The following GRAMD4 variants were observed in gnomAD, a reference collection of about 807,000 sequenced individuals.
GRAMD4 encodes the protein GRAM domain-containing protein 4.
Under a neutral mutation model 83.9 loss-of-function variants are expected in GRAMD4, and 25 were observed. The observed-to-expected ratio is 0.30, with a 90% CI of 0.22 to 0.42. GRAMD4 has a LOEUF of 0.42. Among genes scored for constraint, GRAMD4 ranks in the 10% least tolerant of loss-of-function variants. GRAMD4 has a pLI of 1.00. For synonymous variants in GRAMD4, 336 were observed against 320.9 expected (o/e 1.05, Z -0.50); for missense variants, 593 against 788.7 (o/e 0.75, Z 2.97).
intron 17 of GRAMD4, among the ~76,000 whole-genome samples, chr22:46,675,937 T>C (rs1363784319): frequency 6.6e-6 from 1 of 152,240 alleles, no homozygotes; most frequent in Non-Finnish European, 1.5e-5. Context: ...GCGCCCGCTC[T>C]GGGCATTTTC....
intron 5 of GRAMD4, among the ~76,000 whole-genome samples, chr22:46,662,347 C>T (rs1476322524): frequency 2.0e-5 from 3 of 152,202 alleles, no homozygotes; most frequent in Non-Finnish European, 4.4e-5. Flanking sequence ...AAAACTTTGG[C>T]GAGGCAGCAC....
chr22:46,620,240 A>C, upstream of GRAMD4: 4 of 858,244 alleles, frequency 4.7e-6, no homozygotes, highest in Non-Finnish European at 5.6e-6. The surrounding 1 kb of genome is among the most constrained non-coding windows in gnomAD (Gnocchi z 4.7). Context: ...TTTCCAGAGC[A>C]GCATGCTTTT....
At chr22:46,578,067 G>T (rs899743821) in intron 1 of GRAMD4, among the ~76,000 whole-genome samples, 5 of 152,222 alleles carry the variant, frequency 3.3e-5, no homozygotes, top group African/African-American at 1.2e-4. Context: ...CCCGGGGCCA[G>T]GGACCTGAGT....
chr22:46,641,116 A>G (rs959466004), intron 3 of GRAMD4, among the ~76,000 whole-genome samples: 5 of 151,712 alleles, frequency 3.3e-5, no homozygotes, highest in African/African-American at 1.2e-4. Context: ...TGTGTCGCCC[A>G]GGCCGGAGTG....
intron 1 of GRAMD4, among the ~76,000 whole-genome samples, chr22:46,583,171 G>A (rs2081114776): frequency 1.3e-5 from 2 of 152,164 alleles, no homozygotes; most frequent in African/African-American, 4.8e-5. Context: ...TGATCCATTC[G>A]CTTCGGTCTC....
chr22:46,576,609 C>T (rs1041286552), upstream of GRAMD4, among the ~76,000 whole-genome samples: 1 of 152,190 alleles, frequency 6.6e-6, no homozygotes. Context: ...TGCTGCGTCC[C>T]GTACAGCGCG....
At chr22:46,660,102 G>T (rs936713062) in intron 4 of GRAMD4, among the ~76,000 whole-genome samples, 1 of 152,176 alleles carries the variant, frequency 6.6e-6, no homozygotes, top group Non-Finnish European at 1.5e-5. Context: ...CCCACTCCAG[G>T]ATCTGGTCCT....
chr22:46,639,468 G>C (rs559680694), intron 3 of GRAMD4, among the ~76,000 whole-genome samples: 2 of 152,042 alleles, frequency 1.3e-5, no homozygotes, highest in East Asian at 3.9e-4. Flanking sequence ...AACCCTGTGA[G>C]TGCACATGTG....
intron 3 of GRAMD4, among the ~76,000 whole-genome samples, chr22:46,651,083 G>A (rs963468298): frequency 3.9e-5 from 6 of 152,196 alleles, no homozygotes; most frequent in African/African-American, 1.2e-4. Context: ...GGGCCATCTC[G>A]CTTTCCTTCC....
chr22:46,666,454 G>A (rs1376219835), intron 9 of GRAMD4, among the ~76,000 whole-genome samples: 1 of 152,074 alleles, frequency 6.6e-6, no homozygotes, highest in Non-Finnish European at 1.5e-5. Context: ...ATTTGAAAAT[G>A]TTTTTTGTAG....
intron 1 of GRAMD4, among the ~76,000 whole-genome samples, chr22:46,610,763 G>GT (rs1410343229): frequency 6.6e-6 from 1 of 152,230 alleles, no homozygotes; most frequent in Non-Finnish European, 1.5e-5. Flanking sequence ...GTTGCTAGGA[G>GT]TGATGGAGAG....
chr22:46,617,959 G>T (rs941222541), upstream of GRAMD4, among the ~76,000 whole-genome samples: 1 of 152,224 alleles, frequency 6.6e-6, no homozygotes, highest in African/African-American at 2.4e-5. Context: ...ATTCAGGGAC[G>T]CTGTGCTTTG....
In GRAMD4 at chr22:46,672,245, C is replaced by T. The variant is rs1169299319; in HGVS notation, c.1085-598C>T. On this transcript the variant is annotated intron_variant, in intron 13 of 18. Transcript: ENST00000406902. The surrounding 1 kb of genome is among the most constrained non-coding windows in gnomAD (Gnocchi z 4.7). The stretch of plus-strand genomic sequence containing the variant: ...AGGTCGTGTTTAGTAGGGGGACTGA[C>T]CATGATTGTGTCAGGTGACAGTATC... Among the ~76,000 whole-genome samples the T allele has an allele frequency of 6.6e-6, 1 of 152,156 alleles. No individual in the cohort carries two copies. The highest frequency in any genetic ancestry group is 6.5e-5 in the Admixed American group (1 of 15,280).
intron 1 of GRAMD4, among the ~76,000 whole-genome samples, chr22:46,609,001 G>T (rs1037870208): frequency 6.6e-6 from 1 of 152,124 alleles, no homozygotes; most frequent in Non-Finnish European, 1.5e-5. Context: ...AGTGGCACGT[G>T]CCTGCAGTAC....
At chr22:46,649,352 C>T (rs368681435) in intron 3 of GRAMD4, among the ~76,000 whole-genome samples, 9 of 152,276 alleles carry the variant, frequency 5.9e-5, no homozygotes, top group African/African-American at 9.6e-5. Context: ...AGGGATGGCA[C>T]GTGCTGTCGA....
intron 2 of GRAMD4, among the ~76,000 whole-genome samples, chr22:46,631,135 T>C (rs1172158490): frequency 6.6e-6 from 1 of 152,260 alleles, no homozygotes; most frequent in East Asian, 1.9e-4. Context: ...GCTTCATTCT[T>C]TTTATTTGTT....
rs1272532772 is a variant in GRAMD4, at chr22:46,621,289, A to G, written c.-50+724A>G. On this transcript the variant is annotated intron_variant, in intron 1 of 18. Transcript: ENST00000406902. The surrounding 1 kb of genome is among the most constrained non-coding windows in gnomAD (Gnocchi z 5.8). ...TCTGTAAGTTGGGCGTGTGCTGGGT[A>G]ATAGTGTCCTCCCCCAAAATTCATG... Among the ~76,000 whole-genome samples, 1 of 152,108 alleles carries G rather than the reference A, an allele frequency of 6.6e-6. No individual in the cohort carries two copies. The highest frequency in any genetic ancestry group is 1.5e-5 in the Non-Finnish European group (1 of 67,990).
downstream of GRAMD4, among the ~76,000 whole-genome samples, chr22:46,682,168 T>C (rs1264143451): frequency 6.6e-6 from 1 of 152,162 alleles, no homozygotes; most frequent in African/African-American, 2.4e-5. Context: ...GGGAGACACC[T>C]GGGATCACAG....
chr22:46,620,647 T>C lies in GRAMD4; in HGVS notation c.-50+82T>C, dbSNP rs1232248898. 2 of 426,056 alleles carry C rather than the reference T, an allele frequency of 4.7e-6. No individual in the cohort carries two copies. The highest frequency in any genetic ancestry group is 4.3e-5 in the African/African-American group (2 of 46,996). The allele number at this position is 426,056 out of a possible 1,614,324, so 26.4% of individuals were successfully genotyped here. A position where few individuals can be genotyped will look rare whatever the true frequency, so the allele number is the denominator to read the frequency against. ...CCCCAGCCTTGGGAAAAGCTGCTAC[T>C]CTCTGGGGCAGTGGTCCCAGCTACC... On this transcript the variant is annotated intron_variant, in intron 1 of 18. Transcript: ENST00000406902. This position sits in a 1 kb window ranked among gnomAD's most constrained non-coding sequence, Gnocchi z 4.7.
Sources: gnomAD v4.1 joint callset for allele counts (sites outside exome capture counted in the v4.1 genomes callset) on GRCh38, gnomAD v4.1.1 for gene constraint, Gnocchi (gnomAD v3.1) non-coding constraint, MANE v1.5 for transcripts, NCBI Gene and HGNC (gene_info 2026-07-23, HGNC 2026-07-21) for gene names.